ADAMTS6: variants seen among roughly 807,000 people sequenced by gnomAD.
ADAMTS6 encodes the protein A disintegrin and metalloproteinase with thrombospondin motifs 6.
A neutral mutation model predicts 144.3 loss-of-function variants in ADAMTS6; 23 were observed. That is an observed-to-expected ratio of 0.16 (90% CI 0.11 to 0.23). ADAMTS6 has a LOEUF of 0.23. ADAMTS6 is among the 10% of genes least tolerant of loss of function. ADAMTS6 has a pLI of 1.00. For synonymous variants in ADAMTS6, 444 were observed against 457.5 expected (o/e 0.97, Z 0.38); for missense variants, 999 against 1,379.6 (o/e 0.72, Z 4.37).
rs1204552819 is a variant in ADAMTS6 at position 65,273,437 on chromosome 5, C to T, written c.1523G>A (p.Arg508Lys). The T allele has an allele frequency of 6.2e-7, 1 of 1,613,174 alleles. No individual in the cohort carries two copies. The highest frequency in any genetic ancestry group is 1.3e-5 in the African/African-American group (1 of 75,012). Reference protein sequence around the residue: ...SRQCKYGEVCRELWCLSKSNR... With the variant: ...SRQCKYGEVCKELWCLSKSNR... ...GCTTTTGCTGAGACACCAGAGCTCTCTACACACTTCCTAGGAAAGAAGGCA... is the reference window on the plus strand; with the variant it reads ...GCTTTTGCTGAGACACCAGAGCTCTTTACACACTTCCTAGGAAAGAAGGCA... Residue 508 changes from arginine to lysine, a missense_variant, in exon 12 of 25, where the codon AGA (arginine) becomes AAA (lysine). Physicochemically the swap from Arg to Lys is conservative, Grantham distance 26. Around this residue, in one of 3 missense-constraint regions of ADAMTS6, gnomAD observed 619 missense variants for 837.0 expected, o/e 0.74. Coordinates refer to ENST00000381055, the MANE Select transcript of ADAMTS6 (RefSeq NM_197941.4).
At chr5:65,434,510 A>G (rs1353882149) in intron 7 of ADAMTS6, among the ~76,000 whole-genome samples, 1 of 152,150 alleles carries the variant, frequency 6.6e-6, no homozygotes, top group Non-Finnish European at 1.5e-5. Flanking sequence ...ACTACCCTTG[A>G]TTTTATTCAT....
chr5:65,232,696 T>TAA (rs879663991), intron 15 of ADAMTS6, among the ~76,000 whole-genome samples: 186 of 131,086 alleles, frequency 1.4e-3, no homozygotes, highest in African/African-American at 5.0e-3. Context: ...GTTGAAACAG[T>TAA]AAAAAAAAAA....
chr5:65,442,505 C>T (rs1018243093), intron 7 of ADAMTS6, among the ~76,000 whole-genome samples: 2 of 152,034 alleles, frequency 1.3e-5, no homozygotes, highest in African/African-American at 2.4e-5. Flanking sequence ...ACAAACTCTT[C>T]CAGAAAATTG....
chr5:65,293,849 T>G (rs964826871), intron 10 of ADAMTS6, among the ~76,000 whole-genome samples: 1 of 152,206 alleles, frequency 6.6e-6, no homozygotes, highest in African/African-American at 2.4e-5. Flanking sequence ...TTTGTATTAA[T>G]GTAGTCTAGA....
intron 14 of ADAMTS6, among the ~76,000 whole-genome samples, chr5:65,260,286 A>AATT (rs1761062835): frequency 1.3e-5 from 2 of 152,116 alleles, no homozygotes; most frequent in African/African-American, 4.8e-5. Flanking sequence ...TAATAAGATT[A>AATT]ATTCTGTGGA....
intron 14 of ADAMTS6, 65 bp downstream of exon 14, chr5:65,260,532 TAAA>T: frequency 7.7e-7 from 1 of 1,305,668 alleles, no homozygotes; most frequent in Non-Finnish European, 1.1e-6. Flanking sequence ...AGTTTAAAAT[TAAA>T]AAAATTTCCC....
intron 11 of ADAMTS6, among the ~76,000 whole-genome samples, chr5:65,287,487 T>A (rs1648922456): frequency 6.6e-6 from 1 of 152,204 alleles, no homozygotes; most frequent in Non-Finnish European, 1.5e-5. Context: ...ACATTCTGTA[T>A]TTTTAGTTTC....
At chr5:65,385,314 T>C (rs967356999) in intron 7 of ADAMTS6, among the ~76,000 whole-genome samples, 1 of 152,218 alleles carries the variant, frequency 6.6e-6, no homozygotes, top group Non-Finnish European at 1.5e-5. Context: ...TTCACAAATG[T>C]AGAATCACTT....
At chr5:65,348,161 T>C (rs1748521197) in intron 7 of ADAMTS6, among the ~76,000 whole-genome samples, 1 of 152,100 alleles carries the variant, frequency 6.6e-6, no homozygotes. Flanking sequence ...CTATCCCATT[T>C]ATGAGTACAT....
intron 7 of ADAMTS6, among the ~76,000 whole-genome samples, chr5:65,396,636 C>G (rs886354871): frequency 1.3e-5 from 2 of 152,196 alleles, no homozygotes; most frequent in Non-Finnish European, 2.9e-5. Context: ...CTGATTCTGC[C>G]TTTAGAAAAC....
intron 7 of ADAMTS6, among the ~76,000 whole-genome samples, chr5:65,355,952 T>A (rs950188589): frequency 2.6e-5 from 4 of 151,860 alleles, no homozygotes; most frequent in African/African-American, 9.7e-5. Flanking sequence ...TGTTTCCTGT[T>A]ATCCCCTAAT....
chr5:65,478,779 C>T (rs1041188832), intron 1 of ADAMTS6, among the ~76,000 whole-genome samples: 4 of 152,152 alleles, frequency 2.6e-5, no homozygotes, highest in African/African-American at 9.7e-5. Context: ...GAAAACAGAA[C>T]CAAAACGTCC....
rs369188012 is a variant in ADAMTS6, at chr5:65,151,851, G to A, written c.3339C>T (p.Thr1113=). The change falls in exon 25 of 25, where the codon ACC becomes ACT. Residue 1113 remains threonine, a synonymous_variant. Transcript: ENST00000381055. ...RAYFRQMCCK[T]CQGH is the part of the protein sequence containing the mutation. Reference sequence around the variant, plus strand: ...TTTCTGTGGGTCAGTGTCCTTGGCAGGTCTTACAACACATCTGTCTGAAGT... The same window carrying A: ...TTTCTGTGGGTCAGTGTCCTTGGCAAGTCTTACAACACATCTGTCTGAAGT... 8.6e-5 allele frequency: 138 copies of A among 1,612,330 alleles called. No individual in the cohort carries two copies. Among genetic ancestry groups the A allele is most frequent in the Non-Finnish European group, 1.1e-4 (132 of 1,178,672 alleles).
At chr5:65,193,880 T>C (rs1755166032) in intron 21 of ADAMTS6, among the ~76,000 whole-genome samples, 1 of 152,194 alleles carries the variant, frequency 6.6e-6, no homozygotes, top group South Asian at 2.1e-4. Flanking sequence ...CTAAACGTTG[T>C]CAAAGACTTC....
intron 9 of ADAMTS6, among the ~76,000 whole-genome samples, chr5:65,314,488 A>T (rs1744799411): frequency 6.6e-6 from 1 of 152,174 alleles, no homozygotes; most frequent in Non-Finnish European, 1.5e-5. Context: ...TTGAAGTAAT[A>T]ATGGCTAAGA....
intron 11 of ADAMTS6, among the ~76,000 whole-genome samples, chr5:65,282,998 ACT>A (rs1763104603): frequency 6.6e-6 from 1 of 152,112 alleles, no homozygotes; most frequent in South Asian, 2.1e-4. Flanking sequence ...CCCTTGGGAA[ACT>A]CTAAATTCTA....
At chr5:65,274,841 T>C (rs1430020912) in intron 11 of ADAMTS6, among the ~76,000 whole-genome samples, 1 of 152,066 alleles carries the variant, frequency 6.6e-6, no homozygotes, top group African/African-American at 2.4e-5. Context: ...CCCGCCACCA[T>C]GCCCAGCTAA....
Position 65,151,825 on chromosome 5 carries a change from C to T in ADAMTS6, c.*11G>A. On this transcript the variant is annotated 3_prime_UTR_variant, in exon 25 of 25. Transcript: ENST00000381055. ...TGAAATGACAAGGCACTCTCTCTGGCTTTCTGTGGGTCAGTGTCCTTGGCA... is the reference window on the plus strand; with the variant it reads ...TGAAATGACAAGGCACTCTCTCTGGTTTTCTGTGGGTCAGTGTCCTTGGCA... 1 of 1,604,960 alleles carries T rather than the reference C, an allele frequency of 6.2e-7. No individual in the cohort carries two copies. The highest frequency in any genetic ancestry group is 8.5e-7 in the Non-Finnish European group (1 of 1,172,430).
intron 7 of ADAMTS6, among the ~76,000 whole-genome samples, chr5:65,422,797 TC>T (rs1756180418): frequency 6.6e-6 from 1 of 152,168 alleles, no homozygotes; most frequent in Non-Finnish European, 1.5e-5. Flanking sequence ...CTACTGGGTA[TC>T]TACCCAAAGG....
Sources: allele counts gnomAD v4.1 joint callset (sites outside exome capture counted in the v4.1 genomes callset), GRCh38; gene constraint gnomAD v4.1.1; regional missense constraint gnomAD v4.1.1; transcripts MANE v1.5; gene names NCBI Gene and HGNC (gene_info 2026-07-23, HGNC 2026-07-21).